The following TYW1B variants were observed in gnomAD, a reference collection of about 807,000 sequenced individuals.
TYW1B encodes the protein S-adenosyl-L-methionine-dependent tRNA 4-demethylwyosine synthase TYW1B.
In TYW1B, 73 loss-of-function variants were observed where a neutral mutation model predicts 86.9. The ratio of observed to expected loss-of-function variants is 0.84; its 90% CI spans 0.70 to 1.02. The LOEUF is 1.02. TYW1B is among the 50% of genes least tolerant of loss of function. TYW1B has a pLI of 0.00. For missense variants in TYW1B, 637 were observed against 827.4 expected, an observed-to-expected ratio of 0.77 and a Z score of 2.82; for synonymous variants, 248 against 292.8, an observed-to-expected ratio of 0.85 and a Z score of 1.56.
chr7:72,699,545 A>T (rs1241715760), intron 10 of TYW1B, among the ~76,000 whole-genome samples: 5 of 152,214 alleles, frequency 3.3e-5, no homozygotes, highest in Non-Finnish European at 5.9e-5. Context: ...CAATTTAAAA[A>T]TCCAAAAAGC....
intron 10 of TYW1B, among the ~76,000 whole-genome samples, chr7:72,703,041 T>TTAGATGGAG (rs1814525387): frequency 7.1e-6 from 1 of 141,668 alleles, no homozygotes; most frequent in South Asian, 2.2e-4. Flanking sequence ...TTTTTTTTTT[T>TTAGATGGAG]TGAGATGGAG....
chr7:72,583,081 G>A (rs1811194999), intron 13 of TYW1B, among the ~76,000 whole-genome samples: 2 of 152,180 alleles, frequency 1.3e-5, no homozygotes, highest in South Asian at 2.1e-4. Flanking sequence ...GATAATAAGC[G>A]GCCAGGCATG....
At position 72,595,814 on chromosome 7, in the gene TYW1B, G is replaced by A. The variant is rs187011186; in HGVS notation, c.1786-20095C>T. ...ACAATGAAAAGTATAAAACATTACT[G>A]AAAGTAAAGAACACATAAATAAATA... On this transcript the variant is annotated intron_variant, in intron 13 of 13. Coordinates refer to ENST00000620995, the MANE Select transcript of TYW1B (RefSeq NM_001145440.3). 2.5e-3 allele frequency among the ~76,000 whole-genome samples: 381 copies of A among 152,204 alleles called. 4 individuals are homozygous for A. The highest frequency in any genetic ancestry group is 8.2e-3 in the African/African-American group (342 of 41,532).
intron 7 of TYW1B, among the ~76,000 whole-genome samples, chr7:72,749,739 C>A (rs1554464603): frequency 7.8e-6 from 1 of 127,960 alleles, no homozygotes; most frequent in East Asian, 2.3e-4. Context: ...TTTTTTTTTA[C>A]TTGGCTCTTC....
chr7:72,810,600 A>C lies in TYW1B; in HGVS notation c.303T>G (p.Ser101Arg). 7 of 1,613,962 alleles carry C rather than the reference A, an allele frequency of 4.3e-6. No individual in the cohort carries two copies. The highest frequency in any genetic ancestry group is 5.9e-6 in the Non-Finnish European group (7 of 1,179,860). Residue 101 changes from serine to arginine, a missense_variant, in exon 4 of 14, where the codon AGT becomes AGG. Ser to Arg is a moderately radical substitution (Grantham distance 110). Coordinates refer to ENST00000620995, the MANE Select transcript of TYW1B (RefSeq NM_001145440.3). ...CTAACCATTTGCAGAACCACTCTGCACTTTCGGTTGGTAGGCCGTCAGTGT... is the reference window on the plus strand; with the variant it reads ...CTAACCATTTGCAGAACCACTCTGCCCTTTCGGTTGGTAGGCCGTCAGTGT... Reference protein sequence around the residue: ...ATYTDGLPTESAEWFCKWLEE... With the variant: ...ATYTDGLPTERAEWFCKWLEE...
In TYW1B at chr7:72,700,987, C is replaced by G. The variant is rs575623590; in HGVS notation, c.1371-6165G>C. 3.2e-4 allele frequency among the ~76,000 whole-genome samples: 49 copies of G among 151,700 alleles called. No individual in the cohort carries two copies. The South Asian group carries it at 6.4e-3, about 20-fold the overall frequency. On this transcript the variant is annotated intron_variant, in intron 10 of 13. Coordinates refer to ENST00000620995, the MANE Select transcript of TYW1B (RefSeq NM_001145440.3). The stretch of plus-strand genomic sequence containing the variant: ...GCTGAGGCAGGAGAATTGCTTGAAT[C>G]GGGGAGGCGGAGGTTGCAGTGAGCT...
chr7:72,793,474 C>T (rs1172217892), intron 6 of TYW1B, among the ~76,000 whole-genome samples: 3 of 152,068 alleles, frequency 2.0e-5, no homozygotes, highest in African/African-American at 7.2e-5. Flanking sequence ...TGGCCGGGAA[C>T]GGTGGCTCAC....
chr7:72,816,801 A>C (rs759530519), intron 2 of TYW1B, among the ~76,000 whole-genome samples: 1 of 152,230 alleles, frequency 6.6e-6, no homozygotes, highest in Non-Finnish European at 1.5e-5. Flanking sequence ...GACTTGGTGA[A>C]CATACCAACG....
intron 11 of TYW1B, among the ~76,000 whole-genome samples, chr7:72,677,679 G>A (rs1813766327): frequency 6.6e-6 from 1 of 152,054 alleles, no homozygotes; most frequent in Non-Finnish European, 1.5e-5. Flanking sequence ...GGTTCACAGA[G>A]TTGTGTGGAT....
At chr7:72,634,127 G>A (rs71553248) in intron 11 of TYW1B, among the ~76,000 whole-genome samples, 2 of 151,780 alleles carry the variant, frequency 1.3e-5, no homozygotes, top group Non-Finnish European at 1.5e-5. Flanking sequence ...CTTAGAAAAT[G>A]CTGCTGCCAT....
intron 7 of TYW1B, among the ~76,000 whole-genome samples, chr7:72,748,929 A>T (rs4103729): frequency 1.1e-4 from 16 of 150,640 alleles, no homozygotes; most frequent in Non-Finnish European, 1.0e-4. Flanking sequence ...TATCAGGTTA[A>T]TATTGGCCTC....
Position 72,815,438 on chromosome 7 carries a change from A to G in TYW1B, c.179T>C (p.Leu60Pro). 3 of 1,610,980 alleles carry G rather than the reference A, an allele frequency of 1.9e-6. No individual in the cohort carries two copies. Among genetic ancestry groups the G allele is most frequent in the Non-Finnish European group, 2.5e-6 (3 of 1,179,474 alleles). The change falls in exon 3 of 14, where the codon CTG (leucine) becomes CCG (proline). Residue 60 changes from leucine (L) to proline (P), a missense_variant. Coordinates refer to ENST00000620995, the MANE Select transcript of TYW1B (RefSeq NM_001145440.3). ...TTTTAGATTAATAATGGCCACAGGC[A>G]GATCCAGGGACGTAACTGCTTCAGC... ...VLAEAVTSLD[L>P]PVAIINLKEY...
chr7:72,803,943 T>A (rs1353057286), intron 5 of TYW1B, among the ~76,000 whole-genome samples: 1 of 151,672 alleles, frequency 6.6e-6, no homozygotes, highest in Non-Finnish European at 1.5e-5. Flanking sequence ...GGTGAAGTAG[T>A]TGTTTGTTTT....
intron 9 of TYW1B, among the ~76,000 whole-genome samples, chr7:72,716,649 T>TTGC (rs1159472618): frequency 1.7e-4 from 26 of 151,792 alleles, no homozygotes; most frequent in African/African-American, 6.3e-4. Context: ...GTTGTTGTTG[T>TTGC]TGTTTTTGAG....
At chr7:72,783,605 C>T (rs1894769) in intron 6 of TYW1B, among the ~76,000 whole-genome samples, 1 of 152,008 alleles carries the variant, frequency 6.6e-6, no homozygotes, top group African/African-American at 2.4e-5. Flanking sequence ...CACTGGTCAC[C>T]GTTCAGTTTT....
At chr7:72,709,185 T>C (rs1334258873) in intron 10 of TYW1B, among the ~76,000 whole-genome samples, 6 of 152,206 alleles carry the variant, frequency 3.9e-5, no homozygotes, top group Non-Finnish European at 7.3e-5. Flanking sequence ...TTCTTCTCTT[T>C]CTAGATAGGT....
At chr7:72,731,066 A>T (rs1787097384) in intron 8 of TYW1B, among the ~76,000 whole-genome samples, 1 of 147,730 alleles carries the variant, frequency 6.8e-6, no homozygotes, top group Non-Finnish European at 1.5e-5. Flanking sequence ...ATAACAGCAG[A>T]TTTCTCAGCA....
intron 7 of TYW1B, among the ~76,000 whole-genome samples, chr7:72,753,983 C>T (rs1419533193): frequency 6.6e-6 from 1 of 152,052 alleles, no homozygotes. Flanking sequence ...GGAACGAAAC[C>T]TGAAATATCT....
chr7:72,773,121 C>G (rs1787895748), intron 7 of TYW1B, among the ~76,000 whole-genome samples: 1 of 152,080 alleles, frequency 6.6e-6, no homozygotes, highest in South Asian at 2.1e-4. Flanking sequence ...TCTATTAACT[C>G]TTTATATTTT....
Sources: gnomAD v4.1 joint callset for allele counts (sites outside exome capture counted in the v4.1 genomes callset) on GRCh38, gnomAD v4.1.1 for gene constraint, MANE v1.5 for transcripts, NCBI Gene and HGNC (gene_info 2026-07-23, HGNC 2026-07-21) for gene names.